The following GMDS variants were observed in gnomAD, a reference collection of about 807,000 sequenced individuals.
GMDS encodes the protein GDP-mannose 4,6 dehydratase.
A neutral mutation model predicts 49.9 loss-of-function variants in GMDS; 20 were observed. The ratio of observed to expected loss-of-function variants is 0.40; its 90% CI spans 0.28 to 0.58. The LOEUF is 0.58. Among genes scored for constraint, GMDS ranks in the 20% least tolerant of loss-of-function variants. The pLI, the probability that GMDS is intolerant of heterozygous loss-of-function variation, is 0.42. For missense variants in GMDS, 362 were observed against 481.4 expected (o/e 0.75, Z 2.32); for synonymous variants, 177 against 178.6 (o/e 0.99, Z 0.07).
chr6:1,925,953 A>T (rs562538797), intron 7 of GMDS, among the ~76,000 whole-genome samples: 2 of 152,288 alleles, frequency 1.3e-5, no homozygotes, highest in African/African-American at 4.8e-5. Context: ...GAATGTCGAG[A>T]GCATACCAAC....
chr6:1,718,763 T>C (rs1310704450), intron 9 of GMDS, among the ~76,000 whole-genome samples: 2 of 149,144 alleles, frequency 1.3e-5, no homozygotes, highest in Non-Finnish European at 3.0e-5. Flanking sequence ...TGTATTTTCA[T>C]ATATATACAT....
chr6:1,802,040 T>A (rs2113660340), intron 7 of GMDS, among the ~76,000 whole-genome samples: 1 of 152,328 alleles, frequency 6.6e-6, no homozygotes, highest in South Asian at 2.1e-4. Flanking sequence ...GAGTTGGATA[T>A]TTAAGCAAAT....
intron 4 of GMDS, among the ~76,000 whole-genome samples, chr6:2,097,839 C>T (rs1773696515): frequency 6.6e-6 from 1 of 151,974 alleles, no homozygotes; most frequent in Non-Finnish European, 1.5e-5. Context: ...TAGTGACAAA[C>T]AAAAGAAACA....
chr6:1,663,178 C>G (rs1261753386), intron 9 of GMDS, among the ~76,000 whole-genome samples: 1 of 152,132 alleles, frequency 6.6e-6, no homozygotes, highest in Non-Finnish European at 1.5e-5. Context: ...TTTTCTAGAA[C>G]ATGCACTGAT....
intron 9 of GMDS, among the ~76,000 whole-genome samples, chr6:1,708,847 C>T (rs1056172256): frequency 5.9e-5 from 9 of 152,196 alleles, no homozygotes; most frequent in Non-Finnish European, 1.2e-4. Flanking sequence ...AAAAGAAGCA[C>T]CTTTACATGG....
intron 4 of GMDS, among the ~76,000 whole-genome samples, chr6:2,009,268 CAACT>C (rs1262229060): frequency 1.3e-5 from 2 of 152,154 alleles, no homozygotes; most frequent in Non-Finnish European, 2.9e-5. Flanking sequence ...AGTGACCAAC[CAACT>C]CTCAACAGTG....
intron 7 of GMDS, among the ~76,000 whole-genome samples, chr6:1,769,723 G>T (rs1581161188): frequency 6.7e-6 from 1 of 150,212 alleles, no homozygotes. Flanking sequence ...TTTTTTTTGA[G>T]ACGGAGTCTT....
chr6:2,087,253 C>A (rs1369010928), intron 4 of GMDS, among the ~76,000 whole-genome samples: 1 of 152,160 alleles, frequency 6.6e-6, no homozygotes. Context: ...ACTTAGTAAA[C>A]CAATAGTCAG....
chr6:1,708,172 G>C (rs2113383624), intron 9 of GMDS, among the ~76,000 whole-genome samples: 1 of 152,318 alleles, frequency 6.6e-6, no homozygotes, highest in East Asian at 1.9e-4. Flanking sequence ...GGGCCATAAA[G>C]AATCAGCCAT....
chr6:1,967,416 C>T (rs879296573), intron 4 of GMDS, among the ~76,000 whole-genome samples: 1 of 151,928 alleles, frequency 6.6e-6, no homozygotes, highest in Non-Finnish European at 1.5e-5. Flanking sequence ...CACAAAAACA[C>T]AAAAACCAGT....
At chr6:2,154,982 GT>G (rs1777038858) in intron 1 of GMDS, among the ~76,000 whole-genome samples, 1 of 151,088 alleles carries the variant, frequency 6.6e-6, no homozygotes, top group Non-Finnish European at 1.5e-5. Flanking sequence ...ACTTCATATG[GT>G]TAAGGCTAAT....
intron 1 of GMDS, among the ~76,000 whole-genome samples, chr6:2,205,127 A>G (rs1779745441): frequency 6.6e-6 from 1 of 152,198 alleles, no homozygotes; most frequent in African/African-American, 2.4e-5. Flanking sequence ...TCTCTCAGCA[A>G]TCCCAAAGGT....
At chr6:1,688,101 G>A (rs1271990976) in intron 9 of GMDS, among the ~76,000 whole-genome samples, 1 of 152,198 alleles carries the variant, frequency 6.6e-6, no homozygotes, top group Admixed American at 6.5e-5. Flanking sequence ...GGGCTTGGGA[G>A]GCTGGTGAGA....
intron 7 of GMDS, among the ~76,000 whole-genome samples, chr6:1,895,679 T>C (rs1561871115): frequency 6.6e-6 from 1 of 152,176 alleles, no homozygotes; most frequent in East Asian, 1.9e-4. Context: ...CATTATCAAA[T>C]AGAAATGTGT....
intron 9 of GMDS, among the ~76,000 whole-genome samples, chr6:1,720,443 T>C (rs1205781718): frequency 6.6e-6 from 1 of 152,080 alleles, no homozygotes; most frequent in Admixed American, 6.6e-5. Flanking sequence ...TAAAGATTAG[T>C]ATGAGGAGCC....
In GMDS at chr6:1,751,924, G is replaced by T. The variant is rs567281570; in HGVS notation, c.772-9338C>A. Among the ~76,000 whole-genome samples the T allele has an allele frequency of 3.3e-5, 5 of 152,282 alleles. No individual in the cohort carries two copies. The South Asian group carries it at 1.0e-3, about 32-fold the overall frequency. On this transcript the variant is annotated intron_variant, in intron 7 of 10. Transcript: ENST00000380815. ...AAGGTAGATAACTCCACAAAGATGA[G>T]GAAAAACTAGTGCAAAAAGGCTGAA...
chr6:2,052,772 G>C (rs1159538047), intron 4 of GMDS, among the ~76,000 whole-genome samples: 4 of 152,144 alleles, frequency 2.6e-5, no homozygotes, highest in Admixed American at 2.0e-4. Context: ...ATACCATCAT[G>C]GGGAAAAAAT....
intron 1 of GMDS, among the ~76,000 whole-genome samples, chr6:2,194,814 T>C (rs1478268287): frequency 6.6e-6 from 1 of 152,214 alleles, no homozygotes; most frequent in Non-Finnish European, 1.5e-5. Context: ...AAACTCTTGG[T>C]TACCACTTGG....
intron 1 of GMDS, among the ~76,000 whole-genome samples, chr6:2,158,569 C>T (rs1263546048): frequency 2.0e-5 from 3 of 152,214 alleles, no homozygotes; most frequent in African/African-American, 7.2e-5. Context: ...AAAATAGGAA[C>T]TTCCAACCTC....
Sources: allele counts gnomAD v4.1 joint callset (sites outside exome capture counted in the v4.1 genomes callset), GRCh38; gene constraint gnomAD v4.1.1; transcripts MANE v1.5; gene names NCBI Gene and HGNC (gene_info 2026-07-23, HGNC 2026-07-21).